Variants in SLC10A7 observed in about 807,000 individuals in gnomAD.
The protein encoded by SLC10A7 is solute carrier family 10 member 7, also known as sodium/bile acid cotransporter 7.
A neutral mutation model predicts 43.2 loss-of-function variants in SLC10A7; 29 were observed. The observed-to-expected ratio is 0.67, with a 90% CI of 0.50 to 0.92. SLC10A7 has a LOEUF of 0.92. Ranked by LOEUF, SLC10A7 falls within the 40% of genes least tolerant of loss-of-function variation. The pLI, the probability that SLC10A7 is intolerant of heterozygous loss-of-function variation, is 0.00. For synonymous variants in SLC10A7, 152 were observed against 144.8 expected, an observed-to-expected ratio of 1.05 and a Z score of -0.35; for missense variants, 295 against 403.2, an observed-to-expected ratio of 0.73 and a Z score of 2.30.
At chr4:146,359,936 G>A (rs925409894) in intron 5 of SLC10A7, among the ~76,000 whole-genome samples, 4 of 152,034 alleles carry the variant, frequency 2.6e-5, no homozygotes, top group African/African-American at 9.7e-5. Flanking sequence ...AGTGTTTCCA[G>A]TCCCACTCTG....
chr4:146,323,244 A>C (rs952307395), intron 6 of SLC10A7, among the ~76,000 whole-genome samples: 5 of 152,036 alleles, frequency 3.3e-5, no homozygotes, highest in African/African-American at 1.2e-4. Context: ...TCCATTTGTC[A>C]ATTTTGGCTT....
chr4:146,498,114 CT>C (rs201706885), intron 4 of SLC10A7, among the ~76,000 whole-genome samples: 22,477 of 143,618 alleles, frequency 0.16, 1,486 homozygotes, highest in South Asian at 0.23. Flanking sequence ...ACTCTTATTA[CT>C]TTTTTTTTTT....
intron 6 of SLC10A7, among the ~76,000 whole-genome samples, chr4:146,325,106 C>T (rs559864825): frequency 6.6e-6 from 1 of 152,224 alleles, no homozygotes; most frequent in African/African-American, 2.4e-5. Flanking sequence ...AAATTTTCCC[C>T]ATAGTTTTAA....
intron 5 of SLC10A7, chr4:146,442,313 T>C (rs374565644): frequency 2.0e-6 from 2 of 986,242 alleles, no homozygotes; most frequent in African/African-American, 3.5e-5. Flanking sequence ...AAATTTTTTT[T>C]CACATAGATT....
intron 4 of SLC10A7, among the ~76,000 whole-genome samples, chr4:146,487,402 C>T (rs1735018861): frequency 1.3e-5 from 2 of 152,194 alleles, no homozygotes; most frequent in East Asian, 3.9e-4. Context: ...GAGCTCCCCA[C>T]TCCTCAGAAT....
At chr4:146,276,787 C>T (rs1028687702) in intron 10 of SLC10A7, among the ~76,000 whole-genome samples, 2 of 151,862 alleles carry the variant, frequency 1.3e-5, no homozygotes, top group African/African-American at 4.8e-5. Flanking sequence ...CCCGTCTCTA[C>T]AAAAAAATTT....
Position 146,346,604 on chromosome 4 carries a change from A to G in SLC10A7, c.436-20608T>C, listed in dbSNP as rs557898243. On this transcript the variant is annotated intron_variant, in intron 5 of 11. Coordinates refer to ENST00000335472, the MANE Select transcript of SLC10A7 (RefSeq NM_001029998.6). The stretch of plus-strand genomic sequence containing the variant: ...TAATTTCAATTATAACTTTTCAGCT[A>G]TATTTATTTTTCAACTAATTTTATT... Among the ~76,000 whole-genome samples, 9 of 152,256 alleles carry G rather than the reference A, an allele frequency of 5.9e-5. No homozygotes were observed. The South Asian group carries it at 1.0e-3, about 18-fold the overall frequency.
At chr4:146,500,441 C>A (rs551683283) in intron 4 of SLC10A7, among the ~76,000 whole-genome samples, 4 of 152,220 alleles carry the variant, frequency 2.6e-5, no homozygotes, top group Admixed American at 1.3e-4. Context: ...TTAAAAGAGA[C>A]CAAGTATACC....
rs761492994 is a variant in SLC10A7 at position 146,521,638 on chromosome 4, G to C, written c.80C>G (p.Pro27Arg). Reference protein sequence around the residue: ...VLAIAGAKLEPSIGVNGGPLK... With the variant: ...VLAIAGAKLERSIGVNGGPLK... The stretch of plus-strand genomic sequence containing the variant: ...CTTACCCCCATTCACCCCTATGGAC[G>C]GCTCCAGTTTAGCTCCAGCGATCGC... Residue 27 changes from proline to arginine, a missense_variant, in exon 1 of 12, where the codon CCG becomes CGG. Around this residue, in one of 2 missense-constraint regions of SLC10A7, gnomAD observed 53 missense variants for 40.7 expected, o/e 1.30. Transcript: ENST00000335472. The C allele has an allele frequency of 1.2e-6, 2 of 1,613,958 alleles. No individual in the cohort carries two copies. Among genetic ancestry groups the C allele is most frequent in the African/African-American group, 1.3e-5 (1 of 74,896 alleles).
intron 5 of SLC10A7, among the ~76,000 whole-genome samples, chr4:146,348,645 A>G (rs1037895408): frequency 2.0e-5 from 3 of 152,118 alleles, no homozygotes; most frequent in Non-Finnish European, 4.4e-5. Context: ...GGAGAAAACT[A>G]CAGTACATAA....
At chr4:146,417,373 C>T (rs764130539) in intron 5 of SLC10A7, among the ~76,000 whole-genome samples, 32 of 152,100 alleles carry the variant, frequency 2.1e-4, no homozygotes, top group South Asian at 2.1e-4. Flanking sequence ...AAAAATGACA[C>T]GATCAATTTA....
At chr4:146,369,127 C>T (rs2149775508) in intron 5 of SLC10A7, among the ~76,000 whole-genome samples, 1 of 152,252 alleles carries the variant, frequency 6.6e-6, no homozygotes, top group East Asian at 1.9e-4. Flanking sequence ...GGCTACATCT[C>T]TTGTATATTC....
chr4:146,493,438 A>C (rs1263443437), intron 4 of SLC10A7, among the ~76,000 whole-genome samples: 1 of 151,686 alleles, frequency 6.6e-6, no homozygotes, highest in East Asian at 1.9e-4. Context: ...GTGAGCTGAG[A>C]CTGCGCCATT....
rs373277958 is a variant in SLC10A7 at position 146,374,212 on chromosome 4, G to A, written c.436-48216C>T. On this transcript the variant is annotated intron_variant, in intron 5 of 11. Coordinates refer to ENST00000335472, the MANE Select transcript of SLC10A7 (RefSeq NM_001029998.6). ...TCACAGCGTTTTGTCGAGATTACATGAGATGACACATATAAGGGATCTAGC... is the reference window on the plus strand; with the variant it reads ...TCACAGCGTTTTGTCGAGATTACATAAGATGACACATATAAGGGATCTAGC... 2.7e-4 allele frequency among the ~76,000 whole-genome samples: 41 copies of A among 152,274 alleles called. No homozygotes were observed. In the South Asian group the frequency reaches 8.3e-3, roughly 31 times the overall value.
At chr4:146,445,784 C>T (rs1326478869) in intron 4 of SLC10A7, among the ~76,000 whole-genome samples, 1 of 152,060 alleles carries the variant, frequency 6.6e-6, no homozygotes, top group African/African-American at 2.4e-5. Flanking sequence ...AAATCTTCCG[C>T]GGGAGTCTGG....
chr4:146,520,984 A>C (rs1738578750), intron 1 of SLC10A7, among the ~76,000 whole-genome samples: 1 of 152,112 alleles, frequency 6.6e-6, no homozygotes, highest in African/African-American at 2.4e-5. Flanking sequence ...CACTACACAT[A>C]GTCTAACAGT....
chr4:146,521,907 A>G lies in SLC10A7; in HGVS notation c.-190T>C, dbSNP rs1738725978. ...GGCGGCTTTGAGGAGGGTTGGGAGT[A>G]GTAGTAGCCAGTGACAGGAAAGTCT... On this transcript the variant is annotated 5_prime_UTR_variant, in exon 1 of 12. Transcript: ENST00000335472. 1.5e-5 allele frequency: 8 copies of G among 536,740 alleles called. No individual in the cohort carries two copies. The East Asian group carries it at 2.5e-4, about 17-fold the overall frequency. The allele number at this position is 536,740 out of a possible 1,614,324, so 33.2% of individuals were successfully genotyped here.
intron 4 of SLC10A7, among the ~76,000 whole-genome samples, chr4:146,475,413 T>A (rs1733935078): frequency 6.6e-6 from 1 of 152,246 alleles, no homozygotes; most frequent in Admixed American, 6.5e-5. Flanking sequence ...TAATTTTCTA[T>A]TATAGCTTTT....
At chr4:146,456,991 A>G (rs1732120123) in intron 4 of SLC10A7, among the ~76,000 whole-genome samples, 1 of 152,000 alleles carries the variant, frequency 6.6e-6, no homozygotes, top group Non-Finnish European at 1.5e-5. Context: ...TTTTTAAATT[A>G]TACAACAGGC....
Sources: allele counts gnomAD v4.1 joint callset (sites outside exome capture counted in the v4.1 genomes callset), GRCh38; gene constraint gnomAD v4.1.1; regional missense constraint gnomAD v4.1.1; transcripts MANE v1.5; gene names NCBI Gene and HGNC (gene_info 2026-07-23, HGNC 2026-07-21).